MYT1L: variants seen among roughly 807,000 people sequenced by gnomAD.
MYT1L encodes myelin transcription factor 1-like protein.
In MYT1L, 12 loss-of-function variants were observed where a neutral mutation model predicts 126.7. The observed-to-expected ratio is 0.09, with a 90% CI of 0.06 to 0.15. The LOEUF is 0.15. MYT1L is among the 10% of genes least tolerant of loss of function. The probability of loss-of-function intolerance (pLI) is 1.00; values close to 1 mark genes in which losing one functional copy is unlikely to be tolerated. For synonymous variants in MYT1L, 541 were observed against 604.2 expected, an observed-to-expected ratio of 0.90 and a Z score of 1.53; for missense variants, 979 against 1,585.2, an observed-to-expected ratio of 0.62 and a Z score of 6.49.
intron 11 of MYT1L, among the ~76,000 whole-genome samples, chr2:1,915,769 AAGTT>A (rs1464439069): frequency 6.6e-6 from 1 of 152,218 alleles, no homozygotes; most frequent in Non-Finnish European, 1.5e-5. Flanking sequence ...TTACTTGAGT[AAGTT>A]AGTACCTGCT....
chr2:2,229,390 T>C (rs931985457), intron 2 of MYT1L, among the ~76,000 whole-genome samples: 5 of 152,224 alleles, frequency 3.3e-5, no homozygotes, highest in Non-Finnish European at 7.3e-5. Flanking sequence ...TGAGCATCCC[T>C]AGCCACATAT....
At chr2:2,156,878 G>T (rs1206758491) in intron 3 of MYT1L, among the ~76,000 whole-genome samples, 1 of 152,346 alleles carries the variant, frequency 6.6e-6, no homozygotes, top group Non-Finnish European at 1.5e-5. Context: ...TCTCGAGGGA[G>T]ACTGAGGAAA....
chr2:1,971,717 C>T (rs1043190277), intron 8 of MYT1L, among the ~76,000 whole-genome samples: 6 of 152,192 alleles, frequency 3.9e-5, no homozygotes, highest in African/African-American at 7.2e-5. Flanking sequence ...GGCGACAGAG[C>T]GAGACTCCAT....
intron 2 of MYT1L, among the ~76,000 whole-genome samples, chr2:2,262,993 C>T (rs1378327591): frequency 3.7e-5 from 4 of 108,344 alleles, no homozygotes; most frequent in Non-Finnish European, 5.7e-5. Context: ...TTGGAGGAAA[C>T]AAAATAGCAT....
At chr2:1,831,942 C>T (rs2040251101) in intron 21 of MYT1L, among the ~76,000 whole-genome samples, 1 of 152,132 alleles carries the variant, frequency 6.6e-6, no homozygotes, top group Admixed American at 6.5e-5. Flanking sequence ...TCCTCAGACA[C>T]TTCCCGAGGC....
At position 2,133,080 on chromosome 2, in the gene MYT1L, G is replaced by C. The variant is rs569616617; in HGVS notation, c.-304+39792C>G. Among the ~76,000 whole-genome samples, 31 of 152,210 alleles carry C rather than the reference G, an allele frequency of 2.0e-4. No individual in the cohort carries two copies. In the South Asian group the frequency reaches 6.2e-3, roughly 31 times the overall value. On this transcript the variant is annotated intron_variant, in intron 3 of 24. Coordinates refer to ENST00000647738, the MANE Select transcript of MYT1L (RefSeq NM_001303052.2). ...CCTCCTGTACACACCGTCTTCTTTG[G>C]GGGGGACGAAGACACACGTTAAGAG...
intron 2 of MYT1L, among the ~76,000 whole-genome samples, chr2:2,191,136 T>C (rs866260192): frequency 1.2e-4 from 18 of 152,184 alleles, no homozygotes; most frequent in Middle Eastern, 6.8e-3. Context: ...GGTGCACTGG[T>C]TATGTGTCAG....
chr2:2,058,369 C>G (rs1574888070), intron 3 of MYT1L, among the ~76,000 whole-genome samples: 1 of 152,198 alleles, frequency 6.6e-6, no homozygotes, highest in Non-Finnish European at 1.5e-5. Context: ...TACCTTGTTG[C>G]TTGTCTTTTC....
chr2:2,183,481 T>A (rs887583340), intron 2 of MYT1L, among the ~76,000 whole-genome samples: 6 of 152,086 alleles, frequency 3.9e-5, no homozygotes, highest in African/African-American at 1.4e-4. Context: ...AGAAGCAGTA[T>A]AAAAGAAACA....
intron 3 of MYT1L, among the ~76,000 whole-genome samples, chr2:2,152,133 C>T (rs184554861): frequency 1.6e-3 from 238 of 152,292 alleles, no homozygotes; most frequent in Non-Finnish European, 2.7e-3. Context: ...TCTTGTGCTT[C>T]GGGGCCATTA....
chr2:1,888,414 C>G (rs1420673679), intron 16 of MYT1L, among the ~76,000 whole-genome samples: 1 of 152,218 alleles, frequency 6.6e-6, no homozygotes, highest in Admixed American at 6.5e-5. Flanking sequence ...TTGAAGAATG[C>G]AGATAATAGG....
intron 3 of MYT1L, among the ~76,000 whole-genome samples, chr2:2,152,781 T>C (rs1399130393): frequency 6.6e-6 from 1 of 152,164 alleles, no homozygotes; most frequent in Non-Finnish European, 1.5e-5. Flanking sequence ...CCTGGATAAG[T>C]TAAGATTTAT....
chr2:2,292,319 G>A (rs1444774050), intron 1 of MYT1L, among the ~76,000 whole-genome samples: 4 of 152,198 alleles, frequency 2.6e-5, no homozygotes, highest in Admixed American at 6.5e-5. Flanking sequence ...GTTTGGGATA[G>A]CAATTCTATT....
At chr2:2,102,832 T>A (rs182425441) in intron 3 of MYT1L, among the ~76,000 whole-genome samples, 4 of 151,998 alleles carry the variant, frequency 2.6e-5, no homozygotes, top group Non-Finnish European at 4.4e-5. Flanking sequence ...CCTATTAGAA[T>A]AGCCAAGATA....
chr2:2,038,482 C>T (rs554502627), intron 4 of MYT1L, among the ~76,000 whole-genome samples: 5 of 152,250 alleles, frequency 3.3e-5, no homozygotes, highest in Admixed American at 1.3e-4. Flanking sequence ...GGTTGGCCAG[C>T]GCTGCCTCCC....
At chr2:2,180,609 C>T (rs2091329582) in intron 2 of MYT1L, among the ~76,000 whole-genome samples, 1 of 141,132 alleles carries the variant, frequency 7.1e-6, no homozygotes, top group Non-Finnish European at 1.5e-5. Flanking sequence ...TGTGTGTGTG[C>T]TTATGTACCT....
At chr2:2,200,847 C>T (rs1033014070) in intron 2 of MYT1L, among the ~76,000 whole-genome samples, 15 of 152,210 alleles carry the variant, frequency 9.9e-5, no homozygotes, top group Admixed American at 6.5e-4. Flanking sequence ...AAGGGAAAAT[C>T]ACCCAGCATG....
intron 4 of MYT1L, among the ~76,000 whole-genome samples, chr2:2,017,975 C>T (rs1474023904): frequency 6.6e-6 from 1 of 152,164 alleles, no homozygotes; most frequent in Non-Finnish European, 1.5e-5. Flanking sequence ...CTGTTTTGTA[C>T]ACAAGCACTA....
At chr2:1,938,500 A>G (rs1377140297) in intron 9 of MYT1L, among the ~76,000 whole-genome samples, 1 of 152,236 alleles carries the variant, frequency 6.6e-6, no homozygotes, top group Non-Finnish European at 1.5e-5. Context: ...GTCTACGTAT[A>G]ATAAATATAA....
Sources: allele counts gnomAD v4.1 joint callset (sites outside exome capture counted in the v4.1 genomes callset), GRCh38; gene constraint gnomAD v4.1.1; transcripts MANE v1.5; gene names NCBI Gene and HGNC (gene_info 2026-07-23, HGNC 2026-07-21).